Variants in BTC observed in about 807,000 individuals in gnomAD.
BTC encodes probetacellulin.
In BTC, 13 loss-of-function variants were observed where a neutral mutation model predicts 18.1. The ratio of observed to expected loss-of-function variants is 0.72; its 90% CI spans 0.47 to 1.14. The LOEUF is 1.14. Ranked by LOEUF, BTC falls within the 50% of genes most tolerant of loss-of-function variation. The pLI, the probability that BTC is intolerant of heterozygous loss-of-function variation, is 0.00. For synonymous variants in BTC, 83 were observed against 79.4 expected, an observed-to-expected ratio of 1.05 and a Z score of -0.24; for missense variants, 247 against 224.2, an observed-to-expected ratio of 1.10 and a Z score of -0.65.
intron 2 of BTC, among the ~76,000 whole-genome samples, chr4:74,761,023 T>A (rs945188153): frequency 2.0e-5 from 3 of 152,148 alleles, no homozygotes; most frequent in Non-Finnish European, 4.4e-5. Context: ...CGTGAGCCAA[T>A]GCGCCTGGCC....
chr4:74,773,449 G>A (rs115535460), intron 1 of BTC, among the ~76,000 whole-genome samples: 1 of 151,948 alleles, frequency 6.6e-6, no homozygotes, highest in Non-Finnish European at 1.5e-5. Flanking sequence ...AACAATAAAG[G>A]CTGCTATAAA....
intron 1 of BTC, 88 bp from the exon 2 acceptor site, chr4:74,770,244 T>G: frequency 9.5e-7 from 1 of 1,053,222 alleles, no homozygotes; most frequent in Non-Finnish European, 1.4e-6. Context: ...TTTCACCCAT[T>G]TATGAAAATA....
At chr4:74,773,325 T>C (rs572524870) in intron 1 of BTC, among the ~76,000 whole-genome samples, 3 of 152,162 alleles carry the variant, frequency 2.0e-5, no homozygotes, top group Non-Finnish European at 4.4e-5. Flanking sequence ...CCAGAACCCA[T>C]GAGGCTTCCT....
At chr4:74,778,022 C>T (rs1231594656) in intron 1 of BTC, among the ~76,000 whole-genome samples, 2 of 150,826 alleles carry the variant, frequency 1.3e-5, no homozygotes, top group Admixed American at 6.6e-5. Flanking sequence ...GAGACCCTAT[C>T]TAACGTGGAG....
intron 2 of BTC, among the ~76,000 whole-genome samples, chr4:74,763,493 T>C (rs1201061508): frequency 5.9e-5 from 9 of 152,096 alleles, no homozygotes; most frequent in Non-Finnish European, 1.2e-4. Context: ...ATTTGCATAG[T>C]TTTCGGCTCT....
intron 2 of BTC, among the ~76,000 whole-genome samples, chr4:74,760,976 C>A (rs1347713932): frequency 6.6e-6 from 1 of 152,034 alleles, no homozygotes; most frequent in South Asian, 2.1e-4. Flanking sequence ...CTTCGTGATC[C>A]GCCTGCCTCA....
At chr4:74,752,698 A>C (rs10017577) in intron 3 of BTC, among the ~76,000 whole-genome samples, 1,660 of 152,136 alleles carry the variant, frequency 0.011, 30 homozygotes, top group African/African-American at 0.038. Flanking sequence ...TTTTAATTGC[A>C]TGTATACGAG....
intron 1 of BTC, among the ~76,000 whole-genome samples, chr4:74,778,410 A>C (rs1577965596): frequency 6.6e-6 from 1 of 152,158 alleles, no homozygotes; most frequent in South Asian, 2.1e-4. Flanking sequence ...GAGAGTTACA[A>C]GCTTGGGGTA....
chr4:74,768,824 T>G (rs960385107), intron 2 of BTC, among the ~76,000 whole-genome samples: 40 of 152,158 alleles, frequency 2.6e-4, no homozygotes, highest in African/African-American at 9.4e-4. Context: ...GTCATCAAAT[T>G]ATGGGATAAT....
At chr4:74,765,085 A>C (rs1724861273) in intron 2 of BTC, among the ~76,000 whole-genome samples, 1 of 150,878 alleles carries the variant, frequency 6.6e-6, no homozygotes, top group South Asian at 2.1e-4. Context: ...TGTTTTCTCT[A>C]ATGCACAGAC....
chr4:74,750,789 A>C (rs1416495281), intron 3 of BTC, 70 bp from the exon 4 acceptor site: 1 of 1,530,658 alleles, frequency 6.5e-7, no homozygotes, highest in Non-Finnish European at 8.9e-7. Flanking sequence ...TCTTTTCTGA[A>C]GAAATTAACA....
chr4:74,768,419 A>C (rs1330771996), intron 2 of BTC, among the ~76,000 whole-genome samples: 1 of 152,192 alleles, frequency 6.6e-6, no homozygotes, highest in Non-Finnish European at 1.5e-5. Context: ...AATATTATTC[A>C]GCCTTACAAA....
At chr4:74,754,728 C>CT (rs1553956514) in intron 3 of BTC, among the ~76,000 whole-genome samples, 1 of 152,132 alleles carries the variant, frequency 6.6e-6, no homozygotes, top group South Asian at 2.1e-4. Flanking sequence ...AGGGAACAAT[C>CT]TATGTGTTGA....
rs1553956615 is a variant in BTC at position 74,755,845 on chromosome 4, G to A, written c.281+14C>T. Reference sequence around the variant, plus strand: ...TGCACCCTTTTGCTTGCTGGCTGAGGACACTCCACTTACACACAGGAGGGC... The same window carrying A: ...TGCACCCTTTTGCTTGCTGGCTGAGAACACTCCACTTACACACAGGAGGGC... On this transcript the variant is annotated intron_variant, in intron 3 of 5. Transcript: ENST00000395743. 1.2e-6 allele frequency: 2 copies of A among 1,611,904 alleles called. No homozygotes were observed. Among genetic ancestry groups the A allele is most frequent in the Admixed American group, 1.7e-5 (1 of 59,980 alleles).
intron 1 of BTC, among the ~76,000 whole-genome samples, chr4:74,781,986 A>C (rs1390669447): frequency 6.6e-6 from 1 of 152,152 alleles, no homozygotes; most frequent in Non-Finnish European, 1.5e-5. Context: ...AGTCTCACAA[A>C]ACATCCATGG....
chr4:74,784,852 A>G (rs1387265037), intron 1 of BTC, among the ~76,000 whole-genome samples: 1 of 152,100 alleles, frequency 6.6e-6, no homozygotes, highest in Admixed American at 6.5e-5. Context: ...TTTTGCATCA[A>G]CGTTCATCAA....
chr4:74,794,448 A>C lies in BTC; in HGVS notation c.-123T>G. The C allele has an allele frequency of 9.0e-7, 1 of 1,114,044 alleles. No individual in the cohort carries two copies. The highest frequency in any genetic ancestry group is 1.2e-6 in the Non-Finnish European group (1 of 813,098). The allele number at this position is 1,114,044 out of a possible 1,614,324, so 69.0% of individuals were successfully genotyped here. ...TAATCCCGGAGGCAGAAGGAAACGA[A>C]ACTACTTCCCAGGCTGGCACCCTGG... On this transcript the variant is annotated 5_prime_UTR_variant, in exon 1 of 6. Coordinates refer to ENST00000395743, the MANE Select transcript of BTC (RefSeq NM_001729.4).
At chr4:74,750,756 C>T in intron 3 of BTC, 37 bp from the exon 4 acceptor site, 1 of 1,594,632 alleles carries the variant, frequency 6.3e-7, no homozygotes, top group Non-Finnish European at 8.5e-7. Context: ...GTAAAACTTG[C>T]AAGACTTTTA....
At chr4:74,769,164 G>T (rs1172439547) in intron 2 of BTC, among the ~76,000 whole-genome samples, 2 of 152,138 alleles carry the variant, frequency 1.3e-5, no homozygotes, top group African/African-American at 2.4e-5. Context: ...GTTCATAGAA[G>T]TTTCCAGGGA....
Sources: allele counts gnomAD v4.1 joint callset (sites outside exome capture counted in the v4.1 genomes callset), GRCh38; gene constraint gnomAD v4.1.1; transcripts MANE v1.5; gene names NCBI Gene and HGNC (gene_info 2026-07-23, HGNC 2026-07-21).